Variants in KCNAB1 observed in about 807,000 individuals in gnomAD.
The protein encoded by KCNAB1 is voltage-gated potassium channel subunit beta-1.
KCNAB1 carries 35 observed loss-of-function variants against 64.6 expected under a neutral mutation model. The ratio of observed to expected loss-of-function variants is 0.54; its 90% CI spans 0.41 to 0.72. The LOEUF (loss-of-function observed/expected upper bound fraction) is 0.72, where lower values mean the gene tolerates loss of function less well. Among genes scored for constraint, KCNAB1 ranks in the 30% least tolerant of loss-of-function variants. KCNAB1 has a pLI of 0.00. For missense variants in KCNAB1, 401 were observed against 512.9 expected (o/e 0.78, Z 2.11); for synonymous variants, 177 against 183.8 (o/e 0.96, Z 0.30).
At chr3:156,496,487 G>C (rs1024494999) in intron 8 of KCNAB1, among the ~76,000 whole-genome samples, 7 of 152,162 alleles carry the variant, frequency 4.6e-5, no homozygotes, top group African/African-American at 7.2e-5. Context: ...CACCGTAAGA[G>C]TGAGGCTTCT....
intron 1 of KCNAB1, among the ~76,000 whole-genome samples, chr3:156,264,233 T>C (rs1718576810): frequency 6.6e-6 from 1 of 152,132 alleles, no homozygotes; most frequent in Non-Finnish European, 1.5e-5. Context: ...AGCTCTCTTA[T>C]GTTTGCATGG....
intron 1 of KCNAB1, among the ~76,000 whole-genome samples, chr3:156,368,579 C>T (rs981817617): frequency 2.6e-5 from 4 of 152,136 alleles, no homozygotes; most frequent in African/African-American, 9.7e-5. Context: ...TTATTTTCAA[C>T]TGTTATTTGC....
intron 1 of KCNAB1, among the ~76,000 whole-genome samples, chr3:156,283,262 A>G (rs1719859385): frequency 6.6e-6 from 1 of 151,050 alleles, no homozygotes; most frequent in Non-Finnish European, 1.5e-5. Flanking sequence ...TGGGTTGAAA[A>G]TTCTTTTCTT....
At chr3:156,207,382 C>G (rs1378146294) in intron 1 of KCNAB1, among the ~76,000 whole-genome samples, 1 of 152,230 alleles carries the variant, frequency 6.6e-6, no homozygotes, top group African/African-American at 2.4e-5. Flanking sequence ...GCAGCCTACT[C>G]TTTATGACTC....
At chr3:156,424,575 T>C (rs1715693357) in intron 2 of KCNAB1, among the ~76,000 whole-genome samples, 1 of 152,136 alleles carries the variant, frequency 6.6e-6, no homozygotes, top group Non-Finnish European at 1.5e-5. Context: ...TACCTATTAA[T>C]GTAAAGTAAG....
rs1295016621 is a variant in KCNAB1, at chr3:156,371,063, TG to T, written c.276-50552del. ...TCAGATGTTTATCATAGATAAGGAA[TG>T]AATCTCAGCATTGGCCACTTCCAGA... On this transcript the variant is annotated intron_variant, in intron 1 of 13. Coordinates refer to ENST00000490337, the MANE Select transcript of KCNAB1 (RefSeq NM_172160.3). 2.6e-5 allele frequency among the ~76,000 whole-genome samples: 4 copies of T among 152,226 alleles called. No individual in the cohort carries two copies. The East Asian group carries it at 7.7e-4, about 29-fold the overall frequency.
At chr3:156,357,850 CT>C (rs1725362477) in intron 1 of KCNAB1, among the ~76,000 whole-genome samples, 1 of 145,614 alleles carries the variant, frequency 6.9e-6, no homozygotes, top group Non-Finnish European at 1.5e-5. Context: ...AGTTTTTATA[CT>C]AAATCTTCAA....
At chr3:156,393,108 G>A (rs564854842) in intron 1 of KCNAB1, among the ~76,000 whole-genome samples, 2 of 152,254 alleles carry the variant, frequency 1.3e-5, no homozygotes, top group African/African-American at 4.8e-5. Context: ...TTCTGTCAGA[G>A]GTTTGGGAAG....
chr3:156,136,078 C>T (rs778846728), intron 1 of KCNAB1, among the ~76,000 whole-genome samples: 7 of 152,154 alleles, frequency 4.6e-5, no homozygotes, highest in Non-Finnish European at 8.8e-5. Context: ...AAGTCTCCCA[C>T]GTATAACTGT....
chr3:156,498,993 G>A (rs575704670), intron 8 of KCNAB1, among the ~76,000 whole-genome samples: 1 of 152,228 alleles, frequency 6.6e-6, no homozygotes, highest in Non-Finnish European at 1.5e-5. Flanking sequence ...CTGGTCAAGA[G>A]CAAAGGTCAT....
At chr3:156,372,275 C>T (rs1182837788) in intron 1 of KCNAB1, among the ~76,000 whole-genome samples, 2 of 152,214 alleles carry the variant, frequency 1.3e-5, no homozygotes, top group Non-Finnish European at 2.9e-5. Flanking sequence ...TGGCTTTGGC[C>T]TTAGCACTGT....
chr3:156,431,008 TG>T (rs1215435197), intron 2 of KCNAB1, among the ~76,000 whole-genome samples: 6 of 152,164 alleles, frequency 3.9e-5, no homozygotes, highest in Non-Finnish European at 7.3e-5. Flanking sequence ...ACAGACAGAA[TG>T]GGGACCGGAA....
chr3:156,386,227 T>C (rs986392603), intron 1 of KCNAB1, among the ~76,000 whole-genome samples: 3 of 152,204 alleles, frequency 2.0e-5, no homozygotes, highest in Non-Finnish European at 4.4e-5. Context: ...AGAACAAGTG[T>C]GGTGTTTAAC....
intron 8 of KCNAB1, among the ~76,000 whole-genome samples, chr3:156,479,432 T>G (rs892657540): frequency 2.0e-5 from 3 of 152,102 alleles, no homozygotes; most frequent in Non-Finnish European, 4.4e-5. Flanking sequence ...TTTGTTTGTT[T>G]CTTTTGACTT....
At chr3:156,464,997 A>T (rs1337650232) in intron 6 of KCNAB1, among the ~76,000 whole-genome samples, 1 of 152,204 alleles carries the variant, frequency 6.6e-6, no homozygotes, top group East Asian at 1.9e-4. Context: ...TATTATATTT[A>T]AAAAGAAGCT....
At chr3:156,377,301 G>C (rs533759228) in intron 1 of KCNAB1, among the ~76,000 whole-genome samples, 2 of 152,102 alleles carry the variant, frequency 1.3e-5, no homozygotes, top group Admixed American at 1.3e-4. Context: ...AGAAGAGCAG[G>C]TTGGCTTGAG....
chr3:156,280,081 T>C (rs1159995152), intron 1 of KCNAB1, among the ~76,000 whole-genome samples: 1 of 147,360 alleles, frequency 6.8e-6, no homozygotes, highest in African/African-American at 2.5e-5. Context: ...GGTTTTCTTC[T>C]AGGGTTTTTA....
chr3:156,259,509 G>A (rs1196996275), intron 1 of KCNAB1, among the ~76,000 whole-genome samples: 5 of 152,128 alleles, frequency 3.3e-5, no homozygotes, highest in Non-Finnish European at 7.4e-5. Context: ...AAAGCTCTTA[G>A]TTCTGCTAAG....
chr3:156,347,432 A>G (rs1724552224), intron 1 of KCNAB1, among the ~76,000 whole-genome samples: 2 of 152,334 alleles, frequency 1.3e-5, no homozygotes, highest in South Asian at 4.1e-4. Context: ...CTCTAAGAAG[A>G]CACCTCTGTC....
Sources: gnomAD v4.1 joint callset for allele counts (sites outside exome capture counted in the v4.1 genomes callset) on GRCh38, gnomAD v4.1.1 for gene constraint, MANE v1.5 for transcripts, NCBI Gene and HGNC (gene_info 2026-07-23, HGNC 2026-07-21) for gene names.